The following TNFRSF10D variants were observed in gnomAD, a reference collection of about 807,000 sequenced individuals.
TNFRSF10D encodes the protein TNF receptor superfamily member 10d, also known as tumor necrosis factor receptor superfamily member 10D.
A neutral mutation model predicts 42.1 loss-of-function variants in TNFRSF10D; 28 were observed. The ratio of observed to expected loss-of-function variants is 0.66; its 90% confidence interval spans 0.49 to 0.91. TNFRSF10D has a LOEUF of 0.91. TNFRSF10D is among the 40% of genes least tolerant of loss of function. The pLI, the probability that TNFRSF10D is intolerant of heterozygous loss-of-function variation, is 0.00. For missense variants in TNFRSF10D, 503 were observed against 486.1 expected, an observed-to-expected ratio of 1.03 and a Z score of -0.33; for synonymous variants, 186 against 189.4, an observed-to-expected ratio of 0.98 and a Z score of 0.15.
At position 23,163,781 on chromosome 8, in the gene TNFRSF10D, C is replaced by G; in HGVS notation, c.150+5G>C. 6.2e-7 allele frequency: 1 copy of G among 1,608,520 alleles called. No homozygotes were observed. Among genetic ancestry groups the G allele is most frequent in the Non-Finnish European group, 8.5e-7 (1 of 1,178,264 alleles). ...CCCCAGCCAGGGACCGCGGCGGAGA[C>G]TCACCGGCAGCAGAACCGCGACGAT... On this transcript the variant is annotated splice_donor_5th_base_variant and intron_variant, in intron 1 of 8. Transcript: ENST00000312584.
intron 7 of TNFRSF10D, among the ~76,000 whole-genome samples, chr8:23,142,856 A>C (rs1800051951): frequency 6.6e-6 from 1 of 152,276 alleles, no homozygotes; most frequent in Admixed American, 6.5e-5. Context: ...GCATATGCAT[A>C]AAGATTTCTA....
intron 2 of TNFRSF10D, among the ~76,000 whole-genome samples, chr8:23,152,056 TG>T (rs1169969070): frequency 4.6e-3 from 699 of 151,848 alleles, no homozygotes; most frequent in African/African-American, 0.014. Flanking sequence ...GCAGTAGACC[TG>T]GTGGCTCTTG....
At chr8:23,138,030 C>T in intron 8 of TNFRSF10D, 27 bp from the exon 9 acceptor site, 1 of 1,612,998 alleles carries the variant, frequency 6.2e-7, no homozygotes, top group South Asian at 1.1e-5. Context: ...GATTTAGGGT[C>T]TCAATGCTCC....
At chr8:23,145,005 G>T in intron 6 of TNFRSF10D, 53 bp downstream of exon 6, 1 of 1,613,614 alleles carries the variant, frequency 6.2e-7, no homozygotes, top group Admixed American at 1.7e-5. Flanking sequence ...GCAGTGGATG[G>T]GAAGCAGTTC....
Position 23,137,629 on chromosome 8 carries a change from G to A in TNFRSF10D, c.*241C>T, listed in dbSNP as rs538730206. 8.6e-6 allele frequency: 4 copies of A among 464,780 alleles called. No individual in the cohort carries two copies. Among genetic ancestry groups the A allele is most frequent in the Admixed American group, 4.0e-5 (1 of 25,224 alleles). The allele number at this position is 464,780 out of a possible 1,614,324, so 28.8% of individuals were successfully genotyped here. On this transcript the variant is annotated 3_prime_UTR_variant, in exon 9 of 9. Coordinates refer to ENST00000312584, the MANE Select transcript of TNFRSF10D (RefSeq NM_003840.5). ...CTAAAACGACCCTTAATACACAATC[G>A]TATAACTATGCAGCCAAGAATCTGA...
intron 1 of TNFRSF10D, among the ~76,000 whole-genome samples, chr8:23,155,968 G>A (rs181511904): frequency 1.8e-4 from 28 of 152,242 alleles, no homozygotes; most frequent in African/African-American, 6.5e-4. Flanking sequence ...TTGACAAGCT[G>A]TTCCCACTAA....
intron 1 of TNFRSF10D, among the ~76,000 whole-genome samples, chr8:23,156,458 C>G (rs1454041830): frequency 6.6e-6 from 1 of 152,192 alleles, no homozygotes; most frequent in Non-Finnish European, 1.5e-5. Context: ...ATCCTCCCTT[C>G]TAGAGCTGGG....
intron 3 of TNFRSF10D, 62 bp downstream of exon 3, chr8:23,148,376 T>C: frequency 2.2e-6 from 3 of 1,354,296 alleles, no homozygotes; most frequent in Non-Finnish European, 3.1e-6. Flanking sequence ...TCACATCGGC[T>C]ACAGCTCCCA....
At chr8:23,145,996 T>C in intron 4 of TNFRSF10D, 75 bp from the exon 5 acceptor site, 1 of 1,604,408 alleles carries the variant, frequency 6.2e-7, no homozygotes, top group Non-Finnish European at 8.5e-7. Context: ...GGAGCCACCC[T>C]CCCTGCCCAA....
At position 23,144,433 on chromosome 8, in the gene TNFRSF10D, G is replaced by A. The variant is rs1479992604; in HGVS notation, c.954+17C>T. 6.2e-7 allele frequency: 1 copy of A among 1,611,220 alleles called. No individual in the cohort carries two copies. The highest frequency in any genetic ancestry group is 1.1e-5 in the South Asian group (1 of 90,752). On this transcript the variant is annotated intron_variant, in intron 7 of 8. Transcript: ENST00000312584. ...CAGGCTGCACGCCAGGCAGGGCACA[G>A]TCCCTCCTCAACTCACCAGCAGACG... is the stretch of plus-strand genomic sequence containing the variant.
intron 1 of TNFRSF10D, among the ~76,000 whole-genome samples, chr8:23,160,418 G>A (rs1166680804): frequency 6.6e-6 from 1 of 152,206 alleles, no homozygotes; most frequent in African/African-American, 2.4e-5. Context: ...GCAGGACAGA[G>A]ATCAGAGAAG....
At chr8:23,161,865 C>G (rs138075939) in intron 1 of TNFRSF10D, among the ~76,000 whole-genome samples, 1 of 152,150 alleles carries the variant, frequency 6.6e-6, no homozygotes. Flanking sequence ...ATTTATCCCA[C>G]GGAAGTAGAA....
At chr8:23,148,368 A>T in intron 3 of TNFRSF10D, 70 bp downstream of exon 3, 1 of 1,252,830 alleles carries the variant, frequency 8.0e-7, no homozygotes, top group South Asian at 1.3e-5. Context: ...TCCCCGACTC[A>T]CATCGGCTAC....
chr8:23,141,366 A>G (rs1264157949), intron 7 of TNFRSF10D, among the ~76,000 whole-genome samples: 1 of 151,930 alleles, frequency 6.6e-6, no homozygotes, highest in African/African-American at 2.4e-5. Flanking sequence ...TTAGCTGGGC[A>G]TGGTGGCACG....
At chr8:23,142,424 G>A (rs1800041172) in intron 7 of TNFRSF10D, among the ~76,000 whole-genome samples, 1 of 152,210 alleles carries the variant, frequency 6.6e-6, no homozygotes, top group Non-Finnish European at 1.5e-5. Context: ...CCATAAAAAA[G>A]AATGAAATCA....
intron 3 of TNFRSF10D, 38 bp downstream of exon 3, chr8:23,148,400 C>T: frequency 2.0e-6 from 3 of 1,530,858 alleles, no homozygotes; most frequent in Non-Finnish European, 2.7e-6. Context: ...CATCACTATG[C>T]ACTCCACCTC....
At position 23,137,250 on chromosome 8, in the gene TNFRSF10D, C is replaced by A. The variant is rs867607814; in HGVS notation, c.*620G>T. On this transcript the variant is annotated 3_prime_UTR_variant, in exon 9 of 9. Coordinates refer to ENST00000312584, the MANE Select transcript of TNFRSF10D (RefSeq NM_003840.5). The stretch of plus-strand genomic sequence containing the variant: ...TAGGGCTACGTCTTGATAATCTCAT[C>A]ATTAAGTCAAAAATATCCGAAACTG... 1.3e-5 allele frequency: 2 copies of A among 152,374 alleles called. No individual in the cohort carries two copies. The highest frequency in any genetic ancestry group is 3.4e-3 in the Middle Eastern group (1 of 294). 9.4% of individuals were successfully genotyped at this position (152,374 alleles called of 1,614,324 possible). A position where few individuals can be genotyped will look rare whatever the true frequency, so the allele number is the denominator to read the frequency against.
intron 2 of TNFRSF10D, among the ~76,000 whole-genome samples, chr8:23,151,360 C>G (rs372017946): frequency 2.7e-5 from 4 of 149,710 alleles, no homozygotes; most frequent in African/African-American, 9.9e-5. Flanking sequence ...AAAAAAAAAA[C>G]GGGGGGAGTT....
chr8:23,145,565 C>T (rs1206951236), intron 5 of TNFRSF10D, 103 bp downstream of exon 5: 118 of 1,552,144 alleles, frequency 7.6e-5, no homozygotes, highest in Non-Finnish European at 9.6e-5. Flanking sequence ...AGGCTGGAGA[C>T]GCTTGGACCA....
Sources: gnomAD v4.1 joint callset for allele counts (sites outside exome capture counted in the v4.1 genomes callset) on GRCh38, gnomAD v4.1.1 for gene constraint, MANE v1.5 for transcripts, NCBI Gene and HGNC (gene_info 2026-07-23, HGNC 2026-07-21) for gene names.